The following STAG1 variants were observed in gnomAD, a reference collection of about 807,000 sequenced individuals.
STAG1 encodes the protein STAG1 cohesin complex component, also known as cohesin subunit SA-1.
STAG1 carries 26 observed loss-of-function variants against 170.9 expected under a neutral mutation model. That is an observed-to-expected ratio of 0.15 (90% CI 0.11 to 0.21). The LOEUF (loss-of-function observed/expected upper bound fraction) is 0.21, where lower values mean the gene tolerates loss of function less well. STAG1 is among the 10% of genes least tolerant of loss of function. The pLI is 1.00. For synonymous variants in STAG1, 514 were observed against 497.7 expected (o/e 1.03, Z -0.44); for missense variants, 964 against 1,509.5 (o/e 0.64, Z 5.99).
chr3:136,372,287 T>G (rs1413823793), intron 23 of STAG1, among the ~76,000 whole-genome samples: 1 of 152,244 alleles, frequency 6.6e-6, no homozygotes, highest in East Asian at 1.9e-4. Flanking sequence ...AATCATGTCA[T>G]CTGCAAACAG....
chr3:136,686,340 G>A (rs913753172), intron 1 of STAG1, among the ~76,000 whole-genome samples: 1 of 152,128 alleles, frequency 6.6e-6, no homozygotes, highest in African/African-American at 2.4e-5. Context: ...TGTGGAAATG[G>A]ATGTATCCTT....
In STAG1 at chr3:136,422,988, T is replaced by C; in HGVS notation, c.1707A>G (p.Glu569=). The part of the protein sequence containing the change: ...TQIDDRNKLT[E]HFIITLPMLL... ...ACATAGGAAGTGTAATAATAAAATG[T>C]TCAGTCAATTTGTTTCTATCATCAA... Residue 569 remains glutamate, a synonymous_variant, in exon 17 of 34, where the codon GAA becomes GAG. Transcript: ENST00000383202. 6.2e-7 allele frequency: 1 copy of C among 1,608,700 alleles called. No homozygotes were observed.
chr3:136,658,622 CAT>C (rs1441567011), intron 1 of STAG1, among the ~76,000 whole-genome samples: 1 of 152,070 alleles, frequency 6.6e-6, no homozygotes, highest in African/African-American at 2.4e-5. Flanking sequence ...TTTCCAAGTA[CAT>C]ATGGCTGAAC....
At chr3:136,572,946 C>T (rs929239616) in intron 4 of STAG1, among the ~76,000 whole-genome samples, 5 of 152,166 alleles carry the variant, frequency 3.3e-5, no homozygotes, top group South Asian at 4.1e-4. Context: ...GAGGCCAATG[C>T]GGAAGGACCA....
intron 4 of STAG1, among the ~76,000 whole-genome samples, chr3:136,581,232 A>G (rs919666858): frequency 3.3e-5 from 5 of 152,196 alleles, no homozygotes; most frequent in African/African-American, 1.2e-4. Flanking sequence ...CCAGCTGTTG[A>G]GCTCCGCTAA....
At chr3:136,387,223 G>A (rs1448099607) in intron 22 of STAG1, among the ~76,000 whole-genome samples, 1 of 151,974 alleles carries the variant, frequency 6.6e-6, no homozygotes, top group African/African-American at 2.4e-5. Context: ...CTACTTAACT[G>A]TCAGTGTAGC....
At chr3:136,341,100 G>C (rs1053251082) in intron 31 of STAG1, among the ~76,000 whole-genome samples, 1 of 152,128 alleles carries the variant, frequency 6.6e-6, no homozygotes, top group Admixed American at 6.5e-5. Context: ...AGTAGAGACG[G>C]GGTTTCACGA....
At chr3:136,399,913 G>T (rs889141380) in intron 21 of STAG1, among the ~76,000 whole-genome samples, 1 of 151,948 alleles carries the variant, frequency 6.6e-6, no homozygotes, top group African/African-American at 2.4e-5. Context: ...AAAACTTTCT[G>T]AAAAGAAACA....
intron 23 of STAG1, among the ~76,000 whole-genome samples, chr3:136,374,566 G>A (rs142412321): frequency 2.6e-5 from 4 of 151,644 alleles, no homozygotes; most frequent in East Asian, 1.9e-4. Flanking sequence ...GGGGTGACCC[G>A]AGAATGTGCC....
intron 21 of STAG1, among the ~76,000 whole-genome samples, chr3:136,399,457 C>T (rs1245052776): frequency 6.6e-6 from 1 of 152,002 alleles, no homozygotes; most frequent in Non-Finnish European, 1.5e-5. Context: ...TTACGCATAT[C>T]GTTGAACAGT....
intron 30 of STAG1, among the ~76,000 whole-genome samples, chr3:136,342,759 T>A (rs535383222): frequency 6.6e-6 from 1 of 152,178 alleles, no homozygotes; most frequent in African/African-American, 2.4e-5. Flanking sequence ...ATTAAACCTA[T>A]AAACCTGGAG....
intron 1 of STAG1, among the ~76,000 whole-genome samples, chr3:136,660,748 C>G (rs1941551041): frequency 6.6e-6 from 1 of 151,876 alleles, no homozygotes; most frequent in Non-Finnish European, 1.5e-5. Flanking sequence ...GTGGGAGAAT[C>G]ACTTGAGCCC....
intron 16 of STAG1, among the ~76,000 whole-genome samples, chr3:136,428,736 C>A (rs933715538): frequency 6.6e-6 from 1 of 152,142 alleles, no homozygotes; most frequent in Non-Finnish European, 1.5e-5. Context: ...TTTCACAGAA[C>A]TTATGACAGA....
intron 5 of STAG1, among the ~76,000 whole-genome samples, chr3:136,546,661 A>T (rs967383995): frequency 6.6e-6 from 1 of 152,190 alleles, no homozygotes; most frequent in Admixed American, 6.5e-5. Context: ...AAATAATCTG[A>T]TATAGGGAGA....
chr3:136,360,321 G>A (rs982779263), intron 26 of STAG1, among the ~76,000 whole-genome samples: 2 of 152,018 alleles, frequency 1.3e-5, no homozygotes, highest in Non-Finnish European at 2.9e-5. Flanking sequence ...TGTGTTTACT[G>A]CTCTCTCCTG....
At chr3:136,606,789 C>T (rs1209819733) in intron 3 of STAG1, among the ~76,000 whole-genome samples, 7 of 144,138 alleles carry the variant, frequency 4.9e-5, no homozygotes, top group Non-Finnish European at 9.0e-5. Flanking sequence ...TAACTTGTTG[C>T]CCAGGCTAAC....
chr3:136,694,217 G>A (rs528332665), intron 1 of STAG1, among the ~76,000 whole-genome samples: 27 of 152,200 alleles, frequency 1.8e-4, no homozygotes, highest in African/African-American at 6.0e-4. Flanking sequence ...TCCCAATATC[G>A]TAGGCCAGAA....
rs1223141361 is a variant in STAG1, at chr3:136,337,392, G to GAATC, written c.*858_*861dup. On this transcript the variant is annotated 3_prime_UTR_variant, in exon 34 of 34. Coordinates refer to ENST00000383202, the MANE Select transcript of STAG1 (RefSeq NM_005862.3). ...TAAAAACAGCAAACTGATAACTTGA[G>GAATC]AATCATTTTCGTTTTACTGAGAATA... 4 of 152,712 alleles carry GAATC rather than the reference G, an allele frequency of 2.6e-5. No homozygotes were observed. The East Asian group carries it at 7.7e-4, about 29-fold the overall frequency. The allele number at this position is 152,712 out of a possible 1,614,324, so 9.5% of individuals were successfully genotyped here.
intron 14 of STAG1, among the ~76,000 whole-genome samples, chr3:136,451,746 G>C (rs974817625): frequency 1.6e-4 from 24 of 151,384 alleles, no homozygotes; most frequent in Non-Finnish European, 3.4e-4. Flanking sequence ...CTGGGTGACA[G>C]AGTGAGACCC....
Sources: allele counts gnomAD v4.1 joint callset (sites outside exome capture counted in the v4.1 genomes callset), GRCh38; gene constraint gnomAD v4.1.1; transcripts MANE v1.5; gene names NCBI Gene and HGNC (gene_info 2026-07-23, HGNC 2026-07-21).